Variants in CDH13 observed in about 807,000 individuals in gnomAD.
CDH13 encodes cadherin 13, also known as cadherin-13.
A neutral mutation model predicts 63.8 loss-of-function variants in CDH13; 24 were observed. The ratio of observed to expected loss-of-function variants is 0.38; its 90% confidence interval spans 0.27 to 0.53. The LOEUF is 0.53. CDH13 is among the 20% of genes least tolerant of loss of function. The probability of loss-of-function intolerance (pLI) is 0.85; values close to 1 mark genes in which losing one functional copy is unlikely to be tolerated. For missense variants in CDH13, 1,049 were observed against 903.1 expected (o/e 1.16, Z -2.07); for synonymous variants, 503 against 355.3 (o/e 1.42, Z -4.67).
intron 3 of CDH13, among the ~76,000 whole-genome samples, chr16:83,097,315 A>G (rs756022434): frequency 2.0e-5 from 3 of 152,212 alleles, no homozygotes; most frequent in Non-Finnish European, 4.4e-5. Context: ...CTCTTGCCTC[A>G]TAACTTTTGT....
At chr16:83,010,135 C>CAGAAAAAAAA (rs1913977049) in intron 2 of CDH13, among the ~76,000 whole-genome samples, 1 of 50,118 alleles carries the variant, frequency 2.0e-5, no homozygotes, top group Non-Finnish European at 3.4e-5. Flanking sequence ...AACTCTGTCT[C>CAGAAAAAAAA]AAAAAAAAAA....
At chr16:82,740,684 C>T (rs1384454322) in intron 1 of CDH13, among the ~76,000 whole-genome samples, 2 of 152,122 alleles carry the variant, frequency 1.3e-5, no homozygotes, top group Non-Finnish European at 2.9e-5. Context: ...CATTCTTTTC[C>T]TGATGGAGAC....
chr16:83,778,103 G>A (rs1915247002), intron 11 of CDH13, among the ~76,000 whole-genome samples: 1 of 152,170 alleles, frequency 6.6e-6, no homozygotes, highest in Admixed American at 6.5e-5. Flanking sequence ...AACCTTTCTT[G>A]CAGAAAATTA....
intron 7 of CDH13, among the ~76,000 whole-genome samples, chr16:83,541,780 C>G (rs1054337107): frequency 2.6e-5 from 4 of 152,220 alleles, no homozygotes; most frequent in African/African-American, 9.6e-5. Flanking sequence ...CTCTGCCTAA[C>G]ATAAGACTCT....
At chr16:83,507,618 C>G (rs370761385) in intron 7 of CDH13, among the ~76,000 whole-genome samples, 1 of 152,344 alleles carries the variant, frequency 6.6e-6, no homozygotes, top group South Asian at 2.1e-4. Context: ...ATATCTAATG[C>G]TAGCCTTCCT....
chr16:82,763,653 A>G (rs1453029845), intron 1 of CDH13, among the ~76,000 whole-genome samples: 3 of 152,224 alleles, frequency 2.0e-5, no homozygotes, highest in Non-Finnish European at 2.9e-5. Flanking sequence ...ATAGATATAT[A>G]ATGAGCCTCT....
Position 83,023,607 on chromosome 16 carries a change from A to G in CDH13, c.158-8403A>G, listed in dbSNP as rs187053449. Reference sequence around the variant, plus strand: ...CTGAGCCACCCAGGAAGTTGTCTCTATAGAAACAAGCATTTTTTAAATGGA... The same window carrying G: ...CTGAGCCACCCAGGAAGTTGTCTCTGTAGAAACAAGCATTTTTTAAATGGA... On this transcript the variant is annotated intron_variant, in intron 2 of 13. Coordinates refer to ENST00000567109, the MANE Select transcript of CDH13 (RefSeq NM_001257.5). 5.1e-4 allele frequency among the ~76,000 whole-genome samples: 78 copies of G among 152,356 alleles called. 1 individual carries two copies. Among genetic ancestry groups the G allele is most frequent in the Non-Finnish European group, 1.3e-4 (9 of 68,036 alleles).
chr16:83,383,860 T>TG (rs1225395806), intron 6 of CDH13, among the ~76,000 whole-genome samples: 1 of 152,172 alleles, frequency 6.6e-6, no homozygotes, highest in Non-Finnish European at 1.5e-5. Flanking sequence ...TAGAAATCAG[T>TG]GTCTGGGTAT....
chr16:82,844,362 G>C (rs2039159973), intron 1 of CDH13: 1 of 152,014 alleles, frequency 6.6e-6, no homozygotes, highest in East Asian at 2.0e-4. Context: ...AAAACTCTGG[G>C]AGGCTGAGGC....
intron 6 of CDH13, among the ~76,000 whole-genome samples, chr16:83,438,565 A>G (rs561780423): frequency 6.6e-6 from 1 of 152,364 alleles, no homozygotes; most frequent in African/African-American, 2.4e-5. Context: ...AAATTCAGTC[A>G]TTCATTAGTC....
intron 6 of CDH13, among the ~76,000 whole-genome samples, chr16:83,425,469 G>C (rs1161244781): frequency 6.6e-6 from 1 of 152,228 alleles, no homozygotes; most frequent in Non-Finnish European, 1.5e-5. Flanking sequence ...CAAGCTCCCT[G>C]CACTCAGGAG....
At chr16:83,680,582 G>A (rs760554751) in intron 10 of CDH13, among the ~76,000 whole-genome samples, 7 of 152,112 alleles carry the variant, frequency 4.6e-5, no homozygotes, top group Non-Finnish European at 7.3e-5. Context: ...AACAGCACAG[G>A]CAGATAAGGG....
chr16:82,913,084 T>G (rs1369581739), intron 2 of CDH13, among the ~76,000 whole-genome samples: 1 of 152,206 alleles, frequency 6.6e-6, no homozygotes, highest in East Asian at 1.9e-4. Context: ...TTTGCATTAA[T>G]GTATGAGACT....
Position 83,798,499 on chromosome 16 carries a change from C to G in CDH13, c.*3469C>G, listed in dbSNP as rs1429097023. On this transcript the variant is annotated 3_prime_UTR_variant, in exon 14 of 14. Transcript: ENST00000567109. ...TCCCTCCAGTAACATATGAGACAAGCACTACTATCTTCTCCAACTCACAGA... is the reference window on the plus strand; with the variant it reads ...TCCCTCCAGTAACATATGAGACAAGGACTACTATCTTCTCCAACTCACAGA... The G allele has an allele frequency of 6.6e-6, 1 of 152,212 alleles. No homozygotes were observed. Among genetic ancestry groups the G allele is most frequent in the Non-Finnish European group, 1.5e-5 (1 of 68,044 alleles). 9.4% of individuals were successfully genotyped at this position (152,212 alleles called of 1,614,324 possible).
At chr16:83,307,831 A>C (rs1239350374) in intron 5 of CDH13, among the ~76,000 whole-genome samples, 1 of 152,196 alleles carries the variant, frequency 6.6e-6, no homozygotes, top group African/African-American at 2.4e-5. Flanking sequence ...AGAGCGGGGG[A>C]GTAATTATTT....
At chr16:83,330,941 A>T (rs900448718) in intron 5 of CDH13, among the ~76,000 whole-genome samples, 1 of 152,232 alleles carries the variant, frequency 6.6e-6, no homozygotes, top group African/African-American at 2.4e-5. Context: ...CTCTCTCTTT[A>T]GGCAAAATTT....
Position 82,835,172 on chromosome 16 carries a change from G to A in CDH13, c.46-23190G>A, listed in dbSNP as rs138142749. Among the ~76,000 whole-genome samples, 35 of 152,218 alleles carry A rather than the reference G, an allele frequency of 2.3e-4. No individual in the cohort carries two copies. In the East Asian group the frequency reaches 5.2e-3, roughly 23 times the overall value. On this transcript the variant is annotated intron_variant, in intron 1 of 13. Transcript: ENST00000567109. ...ATTTTACATTCTTTTTTCATACCAC[G>A]TCTTTAAAATCCAGTGTGCATTTTG...
In CDH13 at chr16:83,301,278, G is replaced by A. The variant is rs555388452; in HGVS notation, c.637-43584G>A. On this transcript the variant is annotated intron_variant, in intron 5 of 13. Coordinates refer to ENST00000567109, the MANE Select transcript of CDH13 (RefSeq NM_001257.5). Reference sequence around the variant, plus strand: ...GATCTCCTGACCTCATGATCCGCCCGCCTCAGCCTCCCAAAGTGCAGGGAT... The same window carrying A: ...GATCTCCTGACCTCATGATCCGCCCACCTCAGCCTCCCAAAGTGCAGGGAT... 7.2e-5 allele frequency among the ~76,000 whole-genome samples: 11 copies of A among 151,988 alleles called. No individual in the cohort carries two copies. The South Asian group carries it at 1.5e-3, about 20-fold the overall frequency.
At chr16:83,228,192 G>A (rs890072563) in intron 5 of CDH13, among the ~76,000 whole-genome samples, 2 of 152,146 alleles carry the variant, frequency 1.3e-5, no homozygotes, top group African/African-American at 4.8e-5. Context: ...CAGATGCCTG[G>A]CAGTGTCTGC....
Sources: gnomAD v4.1 joint callset for allele counts (sites outside exome capture counted in the v4.1 genomes callset) on GRCh38, gnomAD v4.1.1 for gene constraint, MANE v1.5 for transcripts, NCBI Gene and HGNC (gene_info 2026-07-23, HGNC 2026-07-21) for gene names.